Variants in THOC1 observed in about 807,000 individuals in gnomAD.
THOC1 encodes the protein THO complex 1.
Under a neutral mutation model 97.3 loss-of-function variants are expected in THOC1, and 29 were observed. The observed-to-expected ratio is 0.30, with a 90% CI of 0.22 to 0.41. The LOEUF is 0.41. Among genes scored for constraint, THOC1 ranks in the 10% least tolerant of loss-of-function variants. The pLI is 1.00. For synonymous variants in THOC1, 255 were observed against 257.0 expected, an observed-to-expected ratio of 0.99 and a Z score of 0.07; for missense variants, 529 against 761.9, an observed-to-expected ratio of 0.69 and a Z score of 3.60.
chr18:225,696 A>G (rs1216387195), intron 12 of THOC1: 1 of 300,468 alleles, frequency 3.3e-6, no homozygotes, highest in Non-Finnish European at 6.1e-6. Context: ...GCTGAGTGTG[A>G]AACGAAAACT....
At position 214,850 on chromosome 18, in the gene THOC1, G is replaced by GT. The variant is rs1267025652; in HGVS notation, c.1749dup (p.Gln584ThrfsTer17). The GT allele has an allele frequency of 2.5e-6, 4 of 1,613,694 alleles. No homozygotes were observed. The highest frequency in any genetic ancestry group is 3.4e-6 in the Non-Finnish European group (4 of 1,179,846). On this transcript the variant is annotated frameshift_variant, in exon 21 of 21. Coordinates refer to ENST00000261600, the MANE Select transcript of THOC1 (RefSeq NM_005131.3). LOFTEE classifies it high-confidence loss of function. ...AAGTAGGGAGCCAGAATCTTCCATT[G>GT]TTCACCCAGCTTGTTGGCAAATACC...
At chr18:266,062 C>T (rs1158468058) in intron 1 of THOC1, among the ~76,000 whole-genome samples, 1 of 152,172 alleles carries the variant, frequency 6.6e-6, no homozygotes, top group Non-Finnish European at 1.5e-5. Context: ...ACACCCATGT[C>T]AGGTCTCGCC....
intron 1 of THOC1, among the ~76,000 whole-genome samples, chr18:266,605 T>C (rs531717120): frequency 6.6e-6 from 1 of 151,664 alleles, no homozygotes; most frequent in Admixed American, 6.6e-5. Flanking sequence ...TGGCATGATC[T>C]TGGCTCACTG....
intron 11 of THOC1, among the ~76,000 whole-genome samples, chr18:227,679 T>G (rs1232105302): frequency 6.6e-6 from 1 of 152,196 alleles, no homozygotes; most frequent in Non-Finnish European, 1.5e-5. Flanking sequence ...TCTGATTATG[T>G]GCATGGAACA....
At chr18:264,183 G>C in intron 3 of THOC1, 91 bp from the exon 4 acceptor site, 2 of 801,266 alleles carry the variant, frequency 2.5e-6, no homozygotes, top group Non-Finnish European at 4.0e-6. Flanking sequence ...ATATTAAATT[G>C]ACTATCAGAA....
At position 214,653 on chromosome 18, in the gene THOC1, T is replaced by TA. The variant is rs1910800844; in HGVS notation, c.1946dup (p.Thr650AsnfsTer2). On this transcript the variant is annotated frameshift_variant, in exon 21 of 21. Coordinates refer to ENST00000261600, the MANE Select transcript of THOC1 (RefSeq NM_005131.3). LOFTEE classifies it high-confidence loss of function. ...AACTATTTGTCTCATTGTCATTAGT[T>TA]AGACTTTCTGCAAGGTCACTTAATC... is the stretch of plus-strand genomic sequence containing the variant. 2 of 1,613,442 alleles carry TA rather than the reference T, an allele frequency of 1.2e-6. No individual in the cohort carries two copies. The highest frequency in any genetic ancestry group is 1.1e-5 in the South Asian group (1 of 90,936).
intron 12 of THOC1, 154 bp from the exon 13 acceptor site, chr18:225,557 G>C: frequency 1.6e-6 from 1 of 640,460 alleles, no homozygotes. Context: ...AGGATTATAA[G>C]AGAAAATTCT....
Position 267,982 on chromosome 18 carries a change from G to A in THOC1, c.38C>T (p.Ala13Val), listed in dbSNP as rs567290635. ...ACAGCTCACCGTAAACCGCGTCCGCGCTTCGGGCAAACTGAAGAGCGGCGG... is the reference window on the plus strand; with the variant it reads ...ACAGCTCACCGTAAACCGCGTCCGCACTTCGGGCAAACTGAAGAGCGGCGG... ...PTPPLFSLPE[A>V]RTRFTKSTRE... Residue 13 changes from alanine to valine, a missense_variant, in exon 1 of 21, where the codon GCG becomes GTG. By Grantham distance (64) the Ala-to-Val change is moderately conservative. Transcript: ENST00000261600. The A allele has an allele frequency of 6.8e-5, 110 of 1,611,700 alleles. 1 individual carries two copies. The South Asian group carries it at 1.1e-3, about 16-fold the overall frequency.
intron 15 of THOC1, 31 bp from the exon 16 acceptor site, chr18:224,210 G>A: frequency 2.1e-6 from 3 of 1,418,912 alleles, no homozygotes; most frequent in Non-Finnish European, 2.0e-6. Context: ...ACTATTTTTT[G>A]AATTACAAAT....
At chr18:252,429 ATTTC>A in intron 9 of THOC1, 106 bp downstream of exon 9, 3 of 830,102 alleles carry the variant, frequency 3.6e-6, no homozygotes, top group Non-Finnish European at 5.9e-6. Flanking sequence ...AATGAAAGAA[ATTTC>A]TTATAATTTC....
chr18:234,476 A>G (rs1440916454), intron 11 of THOC1, among the ~76,000 whole-genome samples: 1 of 152,168 alleles, frequency 6.6e-6, no homozygotes, highest in Non-Finnish European at 1.5e-5. Context: ...TTTGTATTGA[A>G]TATTAGATTT....
In THOC1 at chr18:239,767, C is replaced by T. The variant is rs1911833656; in HGVS notation, c.918+6557G>A. 3.9e-5 allele frequency among the ~76,000 whole-genome samples: 6 copies of T among 152,262 alleles called. No homozygotes were observed. In the South Asian group the frequency reaches 1.2e-3, roughly 32 times the overall value. ...AATAATACTGTTATTAAACACTGAT[C>T]TATTAAAACATGCATATCAAAGTAT... On this transcript the variant is annotated intron_variant, in intron 11 of 20. Coordinates refer to ENST00000261600, the MANE Select transcript of THOC1 (RefSeq NM_005131.3).
intron 11 of THOC1, among the ~76,000 whole-genome samples, chr18:227,426 A>G (rs1479540217): frequency 6.6e-6 from 1 of 152,184 alleles, no homozygotes; most frequent in Non-Finnish European, 1.5e-5. Flanking sequence ...GGGACCACTC[A>G]TTTTTGTAGC....
Position 241,220 on chromosome 18 carries a change from T to C in THOC1, c.918+5104A>G, listed in dbSNP as rs554803657. On this transcript the variant is annotated intron_variant, in intron 11 of 20. Coordinates refer to ENST00000261600, the MANE Select transcript of THOC1 (RefSeq NM_005131.3). Reference sequence around the variant, plus strand: ...GCCTGCCCACTTGTTAACAGGAGGGTCTTGCTTCTGCCTTCATTTGCTCCT... The same window carrying C: ...GCCTGCCCACTTGTTAACAGGAGGGCCTTGCTTCTGCCTTCATTTGCTCCT... Among the ~76,000 whole-genome samples the C allele has an allele frequency of 2.0e-5, 3 of 152,028 alleles. No homozygotes were observed. In the South Asian group the frequency reaches 6.2e-4, roughly 32 times the overall value.
At chr18:215,343 T>C (rs1910839287) in intron 20 of THOC1, 86 bp downstream of exon 20, 2 of 983,974 alleles carry the variant, frequency 2.0e-6, no homozygotes, top group African/African-American at 1.6e-5. Context: ...AGTTGAGAAG[T>C]CGATCAAATT....
intron 11 of THOC1, among the ~76,000 whole-genome samples, chr18:230,356 G>A (rs1238863000): frequency 6.6e-6 from 1 of 152,226 alleles, no homozygotes; most frequent in East Asian, 1.9e-4. Context: ...CTGGAGTAGA[G>A]ATGTGAACCC....
intron 19 of THOC1, 58 bp from the exon 20 acceptor site, chr18:215,562 G>A: frequency 7.0e-7 from 1 of 1,430,396 alleles, no homozygotes; most frequent in Non-Finnish European, 9.8e-7. Flanking sequence ...TAAGGTAACA[G>A]GTATTTTGTT....
At chr18:246,908 C>T (rs1426110110) in intron 10 of THOC1, among the ~76,000 whole-genome samples, 2 of 117,976 alleles carry the variant, frequency 1.7e-5, no homozygotes, top group Admixed American at 9.6e-5. Flanking sequence ...ACCTGGGAGG[C>T]TCCGTCTCAA....
At chr18:265,600 C>A in intron 1 of THOC1, 70 bp from the exon 2 acceptor site, 1 of 1,238,008 alleles carries the variant, frequency 8.1e-7, no homozygotes, top group South Asian at 1.4e-5. Context: ...ATATATCGTT[C>A]ATTGATAGTG....
Sources: allele counts gnomAD v4.1 joint callset (sites outside exome capture counted in the v4.1 genomes callset), GRCh38; gene constraint gnomAD v4.1.1; transcripts MANE v1.5; gene names NCBI Gene and HGNC (gene_info 2026-07-23, HGNC 2026-07-21).